Variants in GRIK4 observed in about 807,000 individuals in gnomAD.
GRIK4 encodes glutamate ionotropic receptor kainate type subunit 4.
Under a neutral mutation model 104.9 loss-of-function variants are expected in GRIK4, and 40 were observed. The observed-to-expected ratio is 0.38, with a 90% CI of 0.30 to 0.50. GRIK4 has a LOEUF of 0.50. Ranked by LOEUF, GRIK4 falls within the 20% of genes least tolerant of loss-of-function variation. GRIK4 has a pLI of 0.93. For synonymous variants in GRIK4, 485 were observed against 524.9 expected (o/e 0.92, Z 1.04); for missense variants, 1,047 against 1,308.1 (o/e 0.80, Z 3.08).
At chr11:120,749,834 T>A (rs1401645316) in intron 3 of GRIK4, among the ~76,000 whole-genome samples, 1 of 152,208 alleles carries the variant, frequency 6.6e-6, no homozygotes, top group African/African-American at 2.4e-5. Flanking sequence ...TCAGAATCAT[T>A]TTAAAATTTA....
chr11:120,801,509 G>A (rs1952620465), intron 3 of GRIK4, among the ~76,000 whole-genome samples: 2 of 152,196 alleles, frequency 1.3e-5, no homozygotes, highest in Non-Finnish European at 2.9e-5. Context: ...TTACAGGCAT[G>A]AGCCATGCGT....
At chr11:120,652,814 G>C (rs967852815) in intron 1 of GRIK4, among the ~76,000 whole-genome samples, 1 of 152,140 alleles carries the variant, frequency 6.6e-6, no homozygotes, top group Non-Finnish European at 1.5e-5. Context: ...GAGGATGAGA[G>C]AGACCAGCGG....
At chr11:120,951,715 A>G (rs1944005291) in intron 14 of GRIK4, among the ~76,000 whole-genome samples, 1 of 152,206 alleles carries the variant, frequency 6.6e-6, no homozygotes, top group African/African-American at 2.4e-5. Context: ...GGGTAGCAGC[A>G]TGGAGCTGCA....
At chr11:120,712,809 T>A (rs1016145290) in intron 3 of GRIK4, among the ~76,000 whole-genome samples, 14 of 152,112 alleles carry the variant, frequency 9.2e-5, no homozygotes, top group Admixed American at 7.2e-4. Flanking sequence ...CTTTATACAC[T>A]TGAAGTTAGC....
At chr11:120,975,938 TC>T (rs1302510186) in intron 19 of GRIK4, among the ~76,000 whole-genome samples, 1 of 152,240 alleles carries the variant, frequency 6.6e-6, no homozygotes, top group Non-Finnish European at 1.5e-5. Context: ...AGTGCCCATT[TC>T]ACAGGGTAAC....
intron 3 of GRIK4, among the ~76,000 whole-genome samples, chr11:120,667,548 A>T (rs191665646): frequency 6.6e-6 from 1 of 152,344 alleles, no homozygotes; most frequent in African/African-American, 2.4e-5. Flanking sequence ...CTTAGCTCTC[A>T]TTAGTCTGGA....
At chr11:120,837,515 G>A (rs527923807) in intron 8 of GRIK4, among the ~76,000 whole-genome samples, 34 of 152,224 alleles carry the variant, frequency 2.2e-4, no homozygotes, top group East Asian at 9.7e-4. Context: ...GTAGTCTAGC[G>A]TGCACATAGA....
intron 1 of GRIK4, chr11:120,620,014 G>C: frequency 5.6e-6 from 3 of 534,286 alleles, no homozygotes; most frequent in Non-Finnish European, 1.0e-5. Context: ...CGGTGGAGCT[G>C]TTAGCGTAGT....
intron 3 of GRIK4, among the ~76,000 whole-genome samples, chr11:120,721,778 A>G (rs557218540): frequency 1.3e-5 from 2 of 152,228 alleles, no homozygotes; most frequent in East Asian, 1.9e-4. Flanking sequence ...TTGTGTACCT[A>G]TCTCTAGGAA....
At chr11:120,840,742 G>C (rs1953691364) in intron 8 of GRIK4, among the ~76,000 whole-genome samples, 1 of 152,166 alleles carries the variant, frequency 6.6e-6, no homozygotes, top group Non-Finnish European at 1.5e-5. Flanking sequence ...CCTTCATCCA[G>C]AAATCAATCT....
At chr11:120,737,866 G>T (rs777605439) in intron 3 of GRIK4, among the ~76,000 whole-genome samples, 1 of 152,116 alleles carries the variant, frequency 6.6e-6, no homozygotes, top group Non-Finnish European at 1.5e-5. Flanking sequence ...ACCTTATAAT[G>T]ATTCAGTAAA....
At position 120,746,613 on chromosome 11, in the gene GRIK4, C is replaced by T. The variant is rs200522660; in HGVS notation, c.83-56080C>T. 2.2e-4 allele frequency among the ~76,000 whole-genome samples: 33 copies of T among 152,236 alleles called. No individual in the cohort carries two copies. The East Asian group carries it at 5.6e-3, about 26-fold the overall frequency. ...GAGAGGAACTGTCCTAGGTAGCAAG[C>T]GGGGAGGAGCTTCTGCTTACCCAAA... On this transcript the variant is annotated intron_variant, in intron 3 of 20. Coordinates refer to ENST00000527524, the MANE Select transcript of GRIK4 (RefSeq NM_014619.5).
chr11:120,620,198 A>G (rs1156999569), intron 1 of GRIK4: 10 of 799,012 alleles, frequency 1.3e-5, no homozygotes, highest in Admixed American at 5.1e-5. Context: ...TGACCATCAG[A>G]TGATATCAAT....
At chr11:120,949,695 G>A (rs989561264) in intron 14 of GRIK4, among the ~76,000 whole-genome samples, 2 of 152,186 alleles carry the variant, frequency 1.3e-5, no homozygotes, top group Non-Finnish European at 2.9e-5. Context: ...ATAAAGATGC[G>A]AAGATGAAAA....
intron 11 of GRIK4, among the ~76,000 whole-genome samples, chr11:120,884,260 G>A (rs957550086): frequency 4.6e-5 from 7 of 152,220 alleles, no homozygotes. Context: ...ATTGTTTATA[G>A]CTGTGCTTTG....
At chr11:120,871,519 A>G (rs1954609387) in intron 9 of GRIK4, 1 of 432,934 alleles carries the variant, frequency 2.3e-6, no homozygotes, top group Non-Finnish European at 4.7e-6. Context: ...GCTCAGCAAG[A>G]CTGCAGAGGT....
chr11:120,713,622 TCTC>T lies in GRIK4; in HGVS notation c.82+53223_82+53225del, dbSNP rs1418910849. On this transcript the variant is annotated intron_variant, in intron 3 of 20. Coordinates refer to ENST00000527524, the MANE Select transcript of GRIK4 (RefSeq NM_014619.5). ...AGATGTAGCTGTGTCTCTTTTATCTTCTCTGGCTACAGAGGATTTTTTAAGGGA... is the reference window on the plus strand; with the variant it reads ...AGATGTAGCTGTGTCTCTTTTATCTTTGGCTACAGAGGATTTTTTAAGGGA... Among the ~76,000 whole-genome samples, 38 of 152,196 alleles carry T rather than the reference TCTC, an allele frequency of 2.5e-4. 1 individual carries two copies. The highest frequency in any genetic ancestry group is 2.5e-4 in the Non-Finnish European group (17 of 68,038).
intron 13 of GRIK4, among the ~76,000 whole-genome samples, chr11:120,909,906 A>G (rs1054751268): frequency 6.6e-6 from 1 of 152,216 alleles, no homozygotes; most frequent in Non-Finnish European, 1.5e-5. Context: ...CAAAGTTCAC[A>G]TGTTGGAAGC....
chr11:120,724,105 C>T (rs1950984516), intron 3 of GRIK4, among the ~76,000 whole-genome samples: 1 of 152,166 alleles, frequency 6.6e-6, no homozygotes, highest in East Asian at 1.9e-4. Flanking sequence ...ATGCATTTTA[C>T]AATCATCCAT....
Sources: gnomAD v4.1 joint callset for allele counts (sites outside exome capture counted in the v4.1 genomes callset) on GRCh38, gnomAD v4.1.1 for gene constraint, MANE v1.5 for transcripts, NCBI Gene and HGNC (gene_info 2026-07-23, HGNC 2026-07-21) for gene names.